The following WDPCP variants were observed in gnomAD, a reference collection of about 807,000 sequenced individuals.
The protein encoded by WDPCP is WD repeat-containing and planar cell polarity effector protein fritz homolog.
WDPCP carries 71 observed loss-of-function variants against 93.1 expected under a neutral mutation model. That is an observed-to-expected ratio of 0.76 (90% CI 0.63 to 0.93). WDPCP has a LOEUF of 0.93. Ranked by LOEUF, WDPCP falls within the 40% of genes least tolerant of loss-of-function variation. The pLI is 0.00. For synonymous variants in WDPCP, 315 were observed against 315.0 expected (o/e 1.00, Z 0.00); for missense variants, 844 against 887.4 (o/e 0.95, Z 0.62).
chr2:63,667,115 A>G (rs1400348689), intron 2 of WDPCP, among the ~76,000 whole-genome samples: 2 of 152,212 alleles, frequency 1.3e-5, no homozygotes, highest in Non-Finnish European at 2.9e-5. Context: ...CTTAAATTAT[A>G]TGCATTAAAT....
At chr2:63,424,430 C>T (rs1696104736) in intron 9 of WDPCP, among the ~76,000 whole-genome samples, 1 of 152,166 alleles carries the variant, frequency 6.6e-6, no homozygotes, top group Non-Finnish European at 1.5e-5. Flanking sequence ...TTCTTCACAC[C>T]CTCGTTGTCC....
At chr2:63,168,671 T>C (rs1456577182) in intron 15 of WDPCP, 4 of 152,174 alleles carry the variant, frequency 2.6e-5, no homozygotes, top group Non-Finnish European at 4.4e-5. Flanking sequence ...AAAATGCCCA[T>C]TGGGTACCAC....
intron 17 of WDPCP, among the ~76,000 whole-genome samples, chr2:63,142,301 T>A (rs1261095045): frequency 6.6e-6 from 1 of 152,212 alleles, no homozygotes; most frequent in Admixed American, 6.5e-5. Flanking sequence ...TAGCACCGCC[T>A]TTGCTGTATC....
intron 1 of WDPCP, among the ~76,000 whole-genome samples, chr2:63,514,533 A>G (rs1702433836): frequency 6.6e-6 from 1 of 152,162 alleles, no homozygotes. Flanking sequence ...TTTTTCCAGG[A>G]TAATTCAGCA....
At chr2:63,180,730 A>G (rs1411697054) in intron 14 of WDPCP, among the ~76,000 whole-genome samples, 3 of 152,056 alleles carry the variant, frequency 2.0e-5, no homozygotes, top group Non-Finnish European at 4.4e-5. Flanking sequence ...TGGCAGTTCT[A>G]TTTGCAGTTC....
intron 2 of WDPCP, among the ~76,000 whole-genome samples, chr2:63,776,544 T>A (rs1670305571): frequency 6.7e-6 from 1 of 148,410 alleles, no homozygotes; most frequent in South Asian, 2.1e-4. Context: ...TAGTCCCAGC[T>A]ACCAGGAAGG....
At chr2:63,703,355 C>T (rs1177998635) in intron 2 of WDPCP, among the ~76,000 whole-genome samples, 1 of 152,174 alleles carries the variant, frequency 6.6e-6, no homozygotes, top group Non-Finnish European at 1.5e-5. Flanking sequence ...AAAAGTGTTC[C>T]TATTTCTCCA....
rs1165113551 is a variant in WDPCP at position 63,360,046 on chromosome 2, C to T, written c.1748+18340G>A. On this transcript the variant is annotated intron_variant, in intron 12 of 17. Coordinates refer to ENST00000272321, the MANE Select transcript of WDPCP (RefSeq NM_015910.7). ...AATGAACCGCGATCACATCACTGCA[C>T]TCCAGCCTGGGCGACAAGGCAAGAC... is the stretch of plus-strand genomic sequence containing the variant. 6.6e-6 allele frequency: 1 copy of T among 152,148 alleles called. No individual in the cohort carries two copies. The highest frequency in any genetic ancestry group is 1.5e-5 in the Non-Finnish European group (1 of 68,074). 9.4% of individuals were successfully genotyped at this position (152,148 alleles called of 1,614,324 possible).
chr2:63,745,359 A>G (rs1437930780), intron 2 of WDPCP, among the ~76,000 whole-genome samples: 1 of 152,238 alleles, frequency 6.6e-6, no homozygotes, highest in Non-Finnish European at 1.5e-5. Flanking sequence ...GGTTAAAACT[A>G]TTCCACTGAA....
At chr2:63,718,129 A>G (rs1669364640) in intron 2 of WDPCP, among the ~76,000 whole-genome samples, 1 of 152,192 alleles carries the variant, frequency 6.6e-6, no homozygotes, top group East Asian at 1.9e-4. Flanking sequence ...TGATATATAT[A>G]TGTCACATTT....
At chr2:63,338,002 A>G (rs1688510705) in intron 12 of WDPCP, among the ~76,000 whole-genome samples, 1 of 151,888 alleles carries the variant, frequency 6.6e-6, no homozygotes. Context: ...TTTTTGCTTG[A>G]GGTAATCTCA....
At position 63,381,999 on chromosome 2, in the gene WDPCP, T is replaced by C; in HGVS notation, c.1531A>G (p.Met511Val). 6.2e-7 allele frequency: 1 copy of C among 1,613,574 alleles called. No individual in the cohort carries two copies. Among genetic ancestry groups the C allele is most frequent in the South Asian group, 1.1e-5 (1 of 91,066 alleles). ...TGGTGGCCCAGAGTGTCCCAGTTCA[T>C]GCTGCTCAGGATGTTTATTGCCTCA... ...IYEAINILSS[M>V]NWDTLGHQCF... Residue 511 changes from methionine to valine, a missense_variant, in exon 11 of 18, where the codon ATG (methionine) becomes GTG (valine). Coordinates refer to ENST00000272321, the MANE Select transcript of WDPCP (RefSeq NM_015910.7).
intron 1 of WDPCP, among the ~76,000 whole-genome samples, chr2:63,495,713 T>C (rs1701183536): frequency 6.6e-6 from 1 of 152,206 alleles, no homozygotes; most frequent in African/African-American, 2.4e-5. Context: ...GCTTTCAAGG[T>C]ACACTTACTC....
At chr2:63,626,202 G>T (rs1370942812) in intron 3 of WDPCP, among the ~76,000 whole-genome samples, 2 of 152,162 alleles carry the variant, frequency 1.3e-5, no homozygotes, top group Non-Finnish European at 2.9e-5. Context: ...ATGGATTAAA[G>T]ACTTAAATGT....
At chr2:63,464,758 A>C (rs909167200) in intron 6 of WDPCP, among the ~76,000 whole-genome samples, 2 of 152,120 alleles carry the variant, frequency 1.3e-5, no homozygotes, top group Non-Finnish European at 2.9e-5. Flanking sequence ...CCTTGAGGAC[A>C]TTATGTAAGT....
chr2:63,749,653 G>C (rs956434940), intron 2 of WDPCP, among the ~76,000 whole-genome samples: 4 of 152,074 alleles, frequency 2.6e-5, no homozygotes, highest in African/African-American at 9.7e-5. Flanking sequence ...AAGCCATGAT[G>C]TTTAGTAGGT....
At position 63,229,818 on chromosome 2, in the gene WDPCP, G is replaced by C. The variant is rs2104547648; in HGVS notation, c.1915+29489C>G. On this transcript the variant is annotated intron_variant, in intron 14 of 17. Coordinates refer to ENST00000272321, the MANE Select transcript of WDPCP (RefSeq NM_015910.7). ...ATCTCTGTTTTGGGACCAGTACCAT[G>C]CTGTTTTGGTTACTGTAGCCTTGTA... 2 of 152,828 alleles carry C rather than the reference G, an allele frequency of 1.3e-5. 1 individual carries two copies. 9.5% of individuals were successfully genotyped at this position (152,828 alleles called of 1,614,324 possible). A position where few individuals can be genotyped will look rare whatever the true frequency, so the allele number is the denominator to read the frequency against.
chr2:63,398,170 A>G (rs1323512587), intron 10 of WDPCP, among the ~76,000 whole-genome samples: 1 of 152,158 alleles, frequency 6.6e-6, no homozygotes, highest in African/African-American at 2.4e-5. Flanking sequence ...GATAAACTTA[A>G]TGAACTGACA....
chr2:63,825,624 C>A (rs1300878558), intron 1 of WDPCP, among the ~76,000 whole-genome samples: 2 of 151,832 alleles, frequency 1.3e-5, no homozygotes, highest in Non-Finnish European at 2.9e-5. Flanking sequence ...ACATCCAGTG[C>A]AGATTAGCAG....
Sources: gnomAD v4.1 joint callset for allele counts (sites outside exome capture counted in the v4.1 genomes callset) on GRCh38, gnomAD v4.1.1 for gene constraint, MANE v1.5 for transcripts, NCBI Gene and HGNC (gene_info 2026-07-23, HGNC 2026-07-21) for gene names.